The following DLGAP2 variants were observed in gnomAD, a reference collection of about 807,000 sequenced individuals.
DLGAP2 encodes DLG associated protein 2.
DLGAP2 carries 26 observed loss-of-function variants against 100.3 expected under a neutral mutation model. That is an observed-to-expected ratio of 0.26 (90% CI 0.19 to 0.36). The LOEUF (loss-of-function observed/expected upper bound fraction) is 0.36. Among genes scored for constraint, DLGAP2 ranks in the 10% least tolerant of loss-of-function variants. The pLI, the probability that DLGAP2 is intolerant of heterozygous loss-of-function variation, is 1.00. For synonymous variants in DLGAP2, 886 were observed against 630.1 expected (o/e 1.41, Z -6.08); for missense variants, 1,858 against 1,453.2 (o/e 1.28, Z -4.53).
At chr8:1,059,889 G>A (rs577122109) in intron 2 of DLGAP2, among the ~76,000 whole-genome samples, 24 of 152,302 alleles carry the variant, frequency 1.6e-4, no homozygotes, top group African/African-American at 4.1e-4. Context: ...GATGCAAATC[G>A]CATTCTGTGT....
intron 3 of DLGAP2, among the ~76,000 whole-genome samples, chr8:1,356,092 C>T (rs1801844488): frequency 6.6e-6 from 1 of 152,218 alleles, no homozygotes; most frequent in Non-Finnish European, 1.5e-5. Flanking sequence ...GTGCAGGTCC[C>T]TGGACAAGGT....
chr8:766,654 A>G (rs1821223541), intron 1 of DLGAP2, among the ~76,000 whole-genome samples: 1 of 152,154 alleles, frequency 6.6e-6, no homozygotes, highest in African/African-American at 2.4e-5. Flanking sequence ...TCCGTTGACC[A>G]GTGGGCACCG....
chr8:1,546,252 C>A (rs1443376426), intron 4 of DLGAP2, among the ~76,000 whole-genome samples: 1 of 152,214 alleles, frequency 6.6e-6, no homozygotes, highest in Non-Finnish European at 1.5e-5. Context: ...GTTAAAGGAT[C>A]TCTTTATCCT....
chr8:1,588,721 G>C (rs1054325157), intron 6 of DLGAP2, among the ~76,000 whole-genome samples: 79 of 133,282 alleles, frequency 5.9e-4, no homozygotes, highest in African/African-American at 2.2e-3. Flanking sequence ...GGCCAACATG[G>C]TGAAAGCTGT....
intron 3 of DLGAP2, among the ~76,000 whole-genome samples, chr8:1,496,342 G>A (rs1370176577): frequency 2.6e-5 from 4 of 152,090 alleles, no homozygotes; most frequent in Non-Finnish European, 4.4e-5. Flanking sequence ...GTCGGAACCT[G>A]CAGGTCTGTC....
rs144977856 is a variant in DLGAP2 at position 1,283,733 on chromosome 8, A to G, written c.106+24850A>G. 6.7e-3 allele frequency among the ~76,000 whole-genome samples: 1,026 copies of G among 152,332 alleles called. 8 individuals carry two copies. Among genetic ancestry groups the G allele is most frequent in the Non-Finnish European group, 0.012 (803 of 68,028 alleles). On this transcript the variant is annotated intron_variant, in intron 3 of 14. Transcript: ENST00000637795. ...TTGGTCTTGTCACTCTAATTCTGGGATACAATCCATAAAAATAAGTAAATA... is the reference window on the plus strand; with the variant it reads ...TTGGTCTTGTCACTCTAATTCTGGGGTACAATCCATAAAAATAAGTAAATA...
intron 3 of DLGAP2, among the ~76,000 whole-genome samples, chr8:1,452,723 A>G (rs1446405637): frequency 6.6e-6 from 1 of 151,890 alleles, no homozygotes; most frequent in African/African-American, 2.4e-5. Context: ...TCGCCTCCAC[A>G]GCAGCCGGGG....
At chr8:1,020,003 A>G (rs1269545448) in intron 2 of DLGAP2, among the ~76,000 whole-genome samples, 1 of 152,232 alleles carries the variant, frequency 6.6e-6, no homozygotes, top group Middle Eastern at 3.2e-3. Flanking sequence ...TTATTTGTCA[A>G]AGAAGTTAAG....
intron 4 of DLGAP2, among the ~76,000 whole-genome samples, chr8:1,518,217 G>A (rs941969860): frequency 8.5e-5 from 13 of 152,242 alleles, no homozygotes; most frequent in African/African-American, 2.6e-4. Flanking sequence ...GTTTGCTAGC[G>A]TTCAGCCCTA....
intron 1 of DLGAP2, among the ~76,000 whole-genome samples, chr8:824,729 G>C (rs1167391174): frequency 6.6e-6 from 1 of 152,090 alleles, no homozygotes; most frequent in Non-Finnish European, 1.5e-5. Context: ...CGATTCAGAG[G>C]ACCCAGGATC....
chr8:983,682 G>A (rs1359149729), intron 2 of DLGAP2, among the ~76,000 whole-genome samples: 3 of 152,102 alleles, frequency 2.0e-5, no homozygotes, highest in Admixed American at 2.0e-4. Context: ...TTGCTCTGTT[G>A]CCCAGGCTGG....
chr8:1,274,764 C>T (rs143498791), intron 3 of DLGAP2, among the ~76,000 whole-genome samples: 2 of 119,392 alleles, frequency 1.7e-5, no homozygotes, highest in East Asian at 2.9e-4. Context: ...CTAAGAATTA[C>T]ATACCAAACA....
At chr8:1,043,318 ACGTGGGTGATGGG>A (rs1223045536) in intron 2 of DLGAP2, among the ~76,000 whole-genome samples, 12,239 of 46,106 alleles carry the variant, frequency 0.27, 1,288 homozygotes, top group Non-Finnish European at 0.3. Context: ...TGGGTGATGG[ACGTGGGTGATGGG>A]TGTGGGTGGT....
intron 2 of DLGAP2, among the ~76,000 whole-genome samples, chr8:935,764 C>T (rs2129004235): frequency 6.6e-6 from 1 of 152,302 alleles, no homozygotes; most frequent in Non-Finnish European, 1.5e-5. Context: ...TCCCTCAAAG[C>T]ATAGTGGTTC....
At chr8:941,665 A>T (rs1179542211) in intron 2 of DLGAP2, among the ~76,000 whole-genome samples, 1 of 152,188 alleles carries the variant, frequency 6.6e-6, no homozygotes, top group African/African-American at 2.4e-5. Context: ...GCGAAAAGCC[A>T]TGGTGTCCTA....
intron 3 of DLGAP2, among the ~76,000 whole-genome samples, chr8:1,298,901 G>C (rs988135875): frequency 9.9e-5 from 15 of 151,976 alleles, no homozygotes; most frequent in African/African-American, 3.4e-4. Context: ...GCAGGAACGG[G>C]GGGAGAACCC....
chr8:738,891 G>C (rs1050814384), intron 1 of DLGAP2: 1 of 152,854 alleles, frequency 6.5e-6, no homozygotes, highest in Non-Finnish European at 1.5e-5. Flanking sequence ...GAGCGGACGC[G>C]GGGGCGAGGG....
At chr8:1,416,290 C>A (rs1437766512) in intron 3 of DLGAP2, among the ~76,000 whole-genome samples, 4 of 152,158 alleles carry the variant, frequency 2.6e-5, no homozygotes, top group Non-Finnish European at 5.9e-5. Flanking sequence ...AGGTTCCCGT[C>A]ACGACGGCCA....
At chr8:1,114,836 T>G (rs1309959135) in intron 2 of DLGAP2, among the ~76,000 whole-genome samples, 1 of 152,216 alleles carries the variant, frequency 6.6e-6, no homozygotes, top group Non-Finnish European at 1.5e-5. Flanking sequence ...CATTTAGTGC[T>G]ACGAATTTTC....
Sources: gnomAD v4.1 joint callset for allele counts (sites outside exome capture counted in the v4.1 genomes callset) on GRCh38, gnomAD v4.1.1 for gene constraint, MANE v1.5 for transcripts, NCBI Gene and HGNC (gene_info 2026-07-23, HGNC 2026-07-21) for gene names.